POLI: variants seen among roughly 807,000 people sequenced by gnomAD.
POLI encodes RAD30 homolog B.
In POLI, 58 loss-of-function variants were observed where a neutral mutation model predicts 51.6. The ratio of observed to expected loss-of-function variants is 1.12; its 90% CI spans 0.91 to 1.40. The LOEUF (loss-of-function observed/expected upper bound fraction) is 1.40. Among genes scored for constraint, POLI ranks in the 40% most tolerant of loss-of-function variants. POLI has a pLI of 0.00. For synonymous variants in POLI, 322 were observed against 299.7 expected (o/e 1.07, Z -0.77); for missense variants, 921 against 871.3 (o/e 1.06, Z -0.72).
chr18:54,317,606 T>C (rs1169217816), intron 3 of POLI, among the ~76,000 whole-genome samples: 2 of 152,156 alleles, frequency 1.3e-5, no homozygotes, highest in Non-Finnish European at 2.9e-5. Context: ...CTTATGTTTG[T>C]AATCCCAGTG....
Position 54,294,232 on chromosome 18 carries a change from A to G in POLI, c.1988A>G (p.Gln663Arg), listed in dbSNP as rs761779310. 4.7e-5 allele frequency: 76 copies of G among 1,613,592 alleles called. No homozygotes were observed. The highest frequency in any genetic ancestry group is 6.4e-5 in the Non-Finnish European group (75 of 1,179,704). The change falls in exon 10 of 10, where the codon CAG (glutamine) becomes CGG (arginine). Residue 663 changes from glutamine (Q) to arginine (R), a missense_variant. By Grantham distance (43) the Gln-to-Arg change is conservative. Transcript: ENST00000579534. ...VSAFHSFPNL[Q>R]SEQLFSRNHT... Reference sequence around the variant, plus strand: ...GCTTTTCATTCATTTCCAAACTTGCAGAGTGAGCAACTTTTCTCCAGAAAC... The same window carrying G: ...GCTTTTCATTCATTTCCAAACTTGCGGAGTGAGCAACTTTTCTCCAGAAAC...
chr18:54,274,261 G>A (rs1405650994), intron 3 of POLI, among the ~76,000 whole-genome samples, 171 bp downstream of exon 3: 5 of 152,060 alleles, frequency 3.3e-5, no homozygotes, highest in Admixed American at 3.3e-4. Flanking sequence ...ATAACTGTAT[G>A]CTATGAATAG....
At chr18:54,271,909 A>G (rs896078206) in intron 2 of POLI, among the ~76,000 whole-genome samples, 1 of 152,194 alleles carries the variant, frequency 6.6e-6, no homozygotes. Flanking sequence ...AACTAGTTGG[A>G]TTTTGAACAT....
intron 8 of POLI, among the ~76,000 whole-genome samples, chr18:54,290,590 C>T (rs2087960459): frequency 6.6e-6 from 1 of 152,168 alleles, no homozygotes. Flanking sequence ...AAATGTCCAT[C>T]AGTAATAGAC....
chr18:54,270,851 A>G (rs956475935), intron 1 of POLI: 1 of 152,520 alleles, frequency 6.6e-6, no homozygotes, highest in Admixed American at 6.5e-5. Context: ...GCGATTTAGC[A>G]TTAAACCAGA....
chr18:54,271,709 GA>G (rs372674482), intron 2 of POLI, among the ~76,000 whole-genome samples: 16 of 152,310 alleles, frequency 1.1e-4, no homozygotes, highest in African/African-American at 3.1e-4. Flanking sequence ...AACAAATGAA[GA>G]GAAAGCAGAA....
At chr18:54,317,965 T>G (rs912194210) in intron 3 of POLI, among the ~76,000 whole-genome samples, 2 of 152,216 alleles carry the variant, frequency 1.3e-5, no homozygotes, top group African/African-American at 4.8e-5. Context: ...CTGAAAATCA[T>G]ATAACTTAAA....
chr18:54,303,154 G>A (rs1290680408), downstream of POLI, among the ~76,000 whole-genome samples: 1 of 152,126 alleles, frequency 6.6e-6, no homozygotes, highest in East Asian at 1.9e-4. Flanking sequence ...AGCTCTCATG[G>A]TAGGACACCT....
chr18:54,277,945 TC>T, intron 4 of POLI, 90 bp downstream of exon 4: 2 of 993,608 alleles, frequency 2.0e-6, no homozygotes, highest in South Asian at 3.5e-5. Context: ...TCTGAAAGAT[TC>T]ATGACTTTTG....
In POLI at chr18:54,294,657, TA is replaced by T; in HGVS notation, c.*194del. 8.0e-7 allele frequency: 1 copy of T among 1,248,180 alleles called. No individual in the cohort carries two copies. Among genetic ancestry groups the T allele is most frequent in the East Asian group, 3.1e-5 (1 of 32,260 alleles). 77.3% of individuals were successfully genotyped at this position (1,248,180 alleles called of 1,614,324 possible). ...TAAAAATATAACAGAAGAAATAATGTAAAATACTATCTTTTATGTCTAAAGC... is the reference window on the plus strand; with the variant it reads ...TAAAAATATAACAGAAGAAATAATGTAAATACTATCTTTTATGTCTAAAGC... On this transcript the variant is annotated 3_prime_UTR_variant, in exon 10 of 10. Coordinates refer to ENST00000579534, the MANE Select transcript of POLI (RefSeq NM_007195.3).
Position 54,295,620 on chromosome 18 carries a change from T to C in POLI, c.*1153T>C, listed in dbSNP as rs1034111416. The C allele has an allele frequency of 1.8e-5, 12 of 685,606 alleles. No homozygotes were observed. The highest frequency in any genetic ancestry group is 2.0e-5 in the Non-Finnish European group (11 of 557,404). 42.5% of individuals were successfully genotyped at this position (685,606 alleles called of 1,614,324 possible). ...AAATACTTTCTTCTAGGTCTGAAATTTTCTTTTCTTTCTTTTTTTGTTTTG... is the reference window on the plus strand; with the variant it reads ...AAATACTTTCTTCTAGGTCTGAAATCTTCTTTTCTTTCTTTTTTTGTTTTG... On this transcript the variant is annotated 3_prime_UTR_variant, in exon 10 of 10. Coordinates refer to ENST00000579534, the MANE Select transcript of POLI (RefSeq NM_007195.3).
intron 8 of POLI, among the ~76,000 whole-genome samples, chr18:54,288,511 A>AAATT (rs1256624755): frequency 4.6e-5 from 7 of 152,198 alleles, no homozygotes; most frequent in Non-Finnish European, 1.0e-4. Flanking sequence ...TCTTTGTCAA[A>AAATT]AATTAATTGA....
At position 54,282,894 on chromosome 18, in the gene POLI, A is replaced by T. The variant is rs200692792; in HGVS notation, c.854A>T (p.Asp285Val). The T allele has an allele frequency of 6.3e-7, 1 of 1,587,028 alleles. No individual in the cohort carries two copies. ...LEALGINSVR[D>V]LQTFSPKILE... Reference sequence around the variant, plus strand: ...GCACTGGGTATCAATAGTGTGCGTGATCTCCAAACCTTTTCACCCAAAATT... The same window carrying T: ...GCACTGGGTATCAATAGTGTGCGTGTTCTCCAAACCTTTTCACCCAAAATT... The change falls in exon 6 of 10, where the codon GAT (aspartate) becomes GTT (valine). Residue 285 changes from aspartate to valine, a missense_variant. Coordinates refer to ENST00000579534, the MANE Select transcript of POLI (RefSeq NM_007195.3).
At chr18:54,315,801 A>C (rs573103615) in intron 3 of POLI, among the ~76,000 whole-genome samples, 1 of 151,974 alleles carries the variant, frequency 6.6e-6, no homozygotes, top group Non-Finnish European at 1.5e-5. Flanking sequence ...TTCCATTTGC[A>C]TGATGGATCT....
intron 7 of POLI, among the ~76,000 whole-genome samples, chr18:54,285,274 A>G (rs1367475286): frequency 6.6e-6 from 1 of 152,196 alleles, no homozygotes; most frequent in Non-Finnish European, 1.5e-5. Flanking sequence ...TGAAATGCCT[A>G]ACCTTTGGAG....
At position 54,297,661 on chromosome 18, in the gene POLI, C is replaced by T; in HGVS notation, c.*3194C>T. 1 of 976,868 alleles carries T rather than the reference C, an allele frequency of 1.0e-6. No individual in the cohort carries two copies. The highest frequency in any genetic ancestry group is 1.2e-6 in the Non-Finnish European group (1 of 822,212). The allele number at this position is 976,868 out of a possible 1,614,324, so 60.5% of individuals were successfully genotyped here. A position where few individuals can be genotyped will look rare whatever the true frequency, so the allele number is the denominator to read the frequency against. On this transcript the variant is annotated 3_prime_UTR_variant, in exon 10 of 10. Transcript: ENST00000579534. ...GGTTTTCTATTTAATCATATATTTT[C>T]CCTTTACTGATTTGGAATGTGAATG...
chr18:54,274,122 TA>T, intron 3 of POLI, 32 bp downstream of exon 3: 1 of 1,202,638 alleles, frequency 8.3e-7, no homozygotes, highest in Non-Finnish European at 1.1e-6. Context: ...CTTTTAGCAT[TA>T]ATTTTTATGT....
intron 3 of POLI, among the ~76,000 whole-genome samples, chr18:54,313,956 T>G (rs1435942655): frequency 6.6e-6 from 1 of 152,156 alleles, no homozygotes; most frequent in Non-Finnish European, 1.5e-5. Flanking sequence ...TTCTCTTCCT[T>G]GATTGCTGTG....
In POLI at chr18:54,293,712, C is replaced by G; in HGVS notation, c.1468C>G (p.Pro490Ala). The G allele has an allele frequency of 6.3e-7, 1 of 1,598,792 alleles. No individual in the cohort carries two copies. The highest frequency in any genetic ancestry group is 1.3e-5 in the African/African-American group (1 of 74,158). ...KDKETNRDFLPSGRIESTRTR... is the reference protein window; with the variant it reads ...KDKETNRDFLASGRIESTRTR... ...CAAAGAAACAAACCGGGATTTCCTA[C>G]CAAGTGGAAGAATTGAAAGTACAAG... The change falls in exon 10 of 10, where the codon CCA (proline) becomes GCA (alanine). Residue 490 changes from proline to alanine, a missense_variant. By Grantham distance (27) the Pro-to-Ala change is conservative. Transcript: ENST00000579534.
Sources: gnomAD v4.1 joint callset for allele counts (sites outside exome capture counted in the v4.1 genomes callset) on GRCh38, gnomAD v4.1.1 for gene constraint, MANE v1.5 for transcripts, NCBI Gene and HGNC (gene_info 2026-07-23, HGNC 2026-07-21) for gene names.